CNTN1: variants seen among roughly 807,000 people sequenced by gnomAD.
CNTN1 encodes contactin-1.
A neutral mutation model predicts 126.4 loss-of-function variants in CNTN1; 38 were observed. The ratio of observed to expected loss-of-function variants is 0.30; its 90% CI spans 0.23 to 0.39. CNTN1 has a LOEUF of 0.39. Among genes scored for constraint, CNTN1 ranks in the 10% least tolerant of loss-of-function variants. The pLI is 1.00. For missense variants in CNTN1, 1,009 were observed against 1,248.4 expected, an observed-to-expected ratio of 0.81 and a Z score of 2.89; for synonymous variants, 413 against 422.6, an observed-to-expected ratio of 0.98 and a Z score of 0.28.
At chr12:40,871,202 A>C (rs1421211891) in intron 1 of CNTN1, among the ~76,000 whole-genome samples, 2 of 43,006 alleles carry the variant, frequency 4.7e-5, no homozygotes, top group South Asian at 6.8e-4. Context: ...AAAAAAAAAA[A>C]AAAAAAAAAA....
intron 1 of CNTN1, among the ~76,000 whole-genome samples, chr12:40,851,785 G>A (rs995265880): frequency 6.6e-6 from 1 of 152,156 alleles, no homozygotes; most frequent in African/African-American, 2.4e-5. Context: ...ATGAGTTAGG[G>A]AAGTGGGGTG....
chr12:40,832,310 T>C (rs1941870751), intron 1 of CNTN1, among the ~76,000 whole-genome samples: 1 of 152,318 alleles, frequency 6.6e-6, no homozygotes, highest in South Asian at 2.1e-4. Context: ...TCCCATGAGA[T>C]TATAATGGAG....
chr12:41,048,976 G>C (rs1461156328), intron 23 of CNTN1, among the ~76,000 whole-genome samples: 1 of 152,104 alleles, frequency 6.6e-6, no homozygotes. Flanking sequence ...AACAGCTCTT[G>C]TCGAGGTTGC....
At chr12:40,990,533 A>C (rs1255186901) in intron 16 of CNTN1, among the ~76,000 whole-genome samples, 1 of 151,544 alleles carries the variant, frequency 6.6e-6, no homozygotes. Context: ...GCATAAAATG[A>C]CTCCTGTTGA....
chr12:40,910,382 C>T (rs1037307625), intron 3 of CNTN1, among the ~76,000 whole-genome samples: 4 of 152,138 alleles, frequency 2.6e-5, no homozygotes, highest in Middle Eastern at 6.8e-3. Context: ...CAATGCTATG[C>T]GACTAAATTT....
At chr12:40,901,919 A>G (rs918567406) in intron 1 of CNTN1, among the ~76,000 whole-genome samples, 1 of 152,340 alleles carries the variant, frequency 6.6e-6, no homozygotes, top group Non-Finnish European at 1.5e-5. Context: ...GAGTGTAAAG[A>G]AATCAGTGTG....
Position 40,722,614 on chromosome 12 carries a change from G to A in CNTN1, c.-77+30022G>A, listed in dbSNP as rs185570769. Among the ~76,000 whole-genome samples, 120 of 152,018 alleles carry A rather than the reference G, an allele frequency of 7.9e-4. 1 individual carries two copies. The highest frequency in any genetic ancestry group is 2.6e-3 in the African/African-American group (107 of 41,458). On this transcript the variant is annotated intron_variant, in intron 1 of 23. Transcript: ENST00000551295. ...CCGATATATACATATACATACATAC[G>A]TACACACACATGCACGCACACACTA...
intron 7 of CNTN1, among the ~76,000 whole-genome samples, chr12:40,930,642 A>G (rs763464934): frequency 6.6e-6 from 1 of 151,874 alleles, no homozygotes; most frequent in African/African-American, 2.4e-5. Flanking sequence ...ACTTTACATT[A>G]TTTCTATCCA....
chr12:40,832,379 A>G (rs1047180026), intron 1 of CNTN1, among the ~76,000 whole-genome samples: 15 of 152,286 alleles, frequency 9.8e-5, no homozygotes, highest in Admixed American at 3.3e-4. Flanking sequence ...AGAGCAACAC[A>G]TTACCTTTTT....
At chr12:40,782,769 A>G (rs749813558) in intron 1 of CNTN1, among the ~76,000 whole-genome samples, 22 of 152,004 alleles carry the variant, frequency 1.4e-4, no homozygotes, top group Non-Finnish European at 2.9e-4. Context: ...GCTGCATTTT[A>G]TAATATCATA....
chr12:40,905,415 T>C (rs2136791960), intron 1 of CNTN1, among the ~76,000 whole-genome samples: 1 of 152,304 alleles, frequency 6.6e-6, no homozygotes, highest in African/African-American at 2.4e-5. Flanking sequence ...TATTTATCTG[T>C]TTCTTTTTCT....
intron 1 of CNTN1, among the ~76,000 whole-genome samples, chr12:40,739,507 A>G (rs971082222): frequency 3.9e-5 from 6 of 152,236 alleles, no homozygotes; most frequent in African/African-American, 1.4e-4. Flanking sequence ...CAAATTGTAT[A>G]TCATATGAGA....
intron 1 of CNTN1, among the ~76,000 whole-genome samples, chr12:40,839,746 C>A (rs945275590): frequency 2.6e-5 from 4 of 152,104 alleles, no homozygotes; most frequent in African/African-American, 4.8e-5. Flanking sequence ...AACCACTAGA[C>A]CAGTCCTACA....
At chr12:41,052,154 T>A (rs11179616) in intron 23 of CNTN1, among the ~76,000 whole-genome samples, 21,729 of 152,104 alleles carry the variant, frequency 0.14, 1,969 homozygotes, top group African/African-American at 0.26. Flanking sequence ...TCCAGTACAG[T>A]TTATATCCCG....
intron 1 of CNTN1, among the ~76,000 whole-genome samples, chr12:40,831,035 C>A (rs538470610): frequency 7.2e-6 from 1 of 138,768 alleles, no homozygotes; most frequent in Non-Finnish European, 1.5e-5. Flanking sequence ...TATATATTTA[C>A]AGTATATATA....
chr12:41,026,976 T>C (rs1203377078), intron 21 of CNTN1, among the ~76,000 whole-genome samples: 1 of 152,104 alleles, frequency 6.6e-6, no homozygotes, highest in Non-Finnish European at 1.5e-5. Context: ...CCAATTTGGA[T>C]GTTGGCAATG....
At chr12:40,837,937 C>CAT (rs765883750) in intron 1 of CNTN1, among the ~76,000 whole-genome samples, 2 of 152,154 alleles carry the variant, frequency 1.3e-5, no homozygotes, top group Non-Finnish European at 2.9e-5. Context: ...TGTTTTCTAC[C>CAT]AGCTATGGCC....
intron 14 of CNTN1, among the ~76,000 whole-genome samples, chr12:40,947,576 A>G (rs1437577001): frequency 6.6e-6 from 1 of 151,860 alleles, no homozygotes; most frequent in African/African-American, 2.4e-5. Context: ...TGAATTTTAA[A>G]TATCTCATTT....
At chr12:40,759,774 A>ATTTTTTTTTTTTTTTTTT (rs33992864) in intron 1 of CNTN1, among the ~76,000 whole-genome samples, 21 of 133,570 alleles carry the variant, frequency 1.6e-4, no homozygotes, top group African/African-American at 5.0e-4. Flanking sequence ...TGGCCCAGAT[A>ATTTTTTTTTTTTTTTTTT]TTTTTTTTTT....
Sources: gnomAD v4.1 joint callset for allele counts (sites outside exome capture counted in the v4.1 genomes callset) on GRCh38, gnomAD v4.1.1 for gene constraint, MANE v1.5 for transcripts, NCBI Gene and HGNC (gene_info 2026-07-23, HGNC 2026-07-21) for gene names.